DLGAP2: variants seen among roughly 807,000 people sequenced by gnomAD.
The protein encoded by DLGAP2 is disks large-associated protein 2.
In DLGAP2, 26 loss-of-function variants were observed where a neutral mutation model predicts 100.3. The observed-to-expected ratio is 0.26, with a 90% CI of 0.19 to 0.36. DLGAP2 has a LOEUF of 0.36. Among genes scored for constraint, DLGAP2 ranks in the 10% least tolerant of loss-of-function variants. The pLI, the probability that DLGAP2 is intolerant of heterozygous loss-of-function variation, is 1.00. For missense variants in DLGAP2, 1,858 were observed against 1,453.2 expected, an observed-to-expected ratio of 1.28 and a Z score of -4.53; for synonymous variants, 886 against 630.1, an observed-to-expected ratio of 1.41 and a Z score of -6.08.
chr8:1,454,672 G>T (rs886749), intron 3 of DLGAP2, among the ~76,000 whole-genome samples: 9,480 of 152,224 alleles, frequency 0.062, 482 homozygotes, highest in East Asian at 0.19. Flanking sequence ...GGACATTTTT[G>T]ACTTCACTTT....
At chr8:1,087,203 G>A (rs1439193296) in intron 2 of DLGAP2, among the ~76,000 whole-genome samples, 5 of 152,300 alleles carry the variant, frequency 3.3e-5, no homozygotes, top group South Asian at 2.1e-4. Flanking sequence ...CATGCGTACC[G>A]AAACATATGA....
At chr8:1,071,120 C>T (rs1007416684) in intron 2 of DLGAP2, among the ~76,000 whole-genome samples, 5 of 152,184 alleles carry the variant, frequency 3.3e-5, no homozygotes, top group South Asian at 2.1e-4. Context: ...GCTCCTCCCA[C>T]GGATTTGCAG....
At chr8:1,343,810 T>A (rs1242581466) in intron 3 of DLGAP2, among the ~76,000 whole-genome samples, 1 of 151,880 alleles carries the variant, frequency 6.6e-6, no homozygotes, top group Non-Finnish European at 1.5e-5. Flanking sequence ...TGGCACGAGA[T>A]CCTCCCTGCA....
At chr8:1,146,293 G>A (rs1319961522) in intron 2 of DLGAP2, among the ~76,000 whole-genome samples, 5 of 152,160 alleles carry the variant, frequency 3.3e-5, no homozygotes, top group Admixed American at 1.3e-4. Context: ...TGTTAAGAAG[G>A]GCTGAATGGA....
chr8:1,494,322 CT>C (rs1172497645), intron 3 of DLGAP2, among the ~76,000 whole-genome samples: 1 of 152,260 alleles, frequency 6.6e-6, no homozygotes, highest in Non-Finnish European at 1.5e-5. Flanking sequence ...CAACTTCCCC[CT>C]GAGAAGACGC....
chr8:1,640,292 G>A (rs867797733), intron 8 of DLGAP2, among the ~76,000 whole-genome samples: 10 of 152,026 alleles, frequency 6.6e-5, no homozygotes, highest in Non-Finnish European at 1.3e-4. Flanking sequence ...GCCCAGGTGT[G>A]CTGCCCCGTG....
At chr8:945,557 C>T (rs755425737) in intron 2 of DLGAP2, among the ~76,000 whole-genome samples, 5 of 152,156 alleles carry the variant, frequency 3.3e-5, no homozygotes, top group African/African-American at 7.2e-5. Context: ...ATCTTTGTCT[C>T]TTCTTACTCA....
intron 2 of DLGAP2, among the ~76,000 whole-genome samples, chr8:1,105,956 C>A (rs370920689): frequency 4.8e-5 from 7 of 146,546 alleles, no homozygotes; most frequent in East Asian, 2.1e-4. Flanking sequence ...TGAAGGGAAC[C>A]ATTCTAGGAG....
intron 3 of DLGAP2, among the ~76,000 whole-genome samples, chr8:1,364,758 G>A (rs933393632): frequency 1.2e-4 from 18 of 152,346 alleles, no homozygotes; most frequent in East Asian, 1.9e-4. Context: ...CCCCTTGAAC[G>A]AAGGACGAGA....
intron 8 of DLGAP2, among the ~76,000 whole-genome samples, chr8:1,661,877 C>T (rs1479853372): frequency 1.3e-5 from 2 of 152,238 alleles, no homozygotes; most frequent in Admixed American, 6.5e-5. Context: ...CACCATCACT[C>T]AGCTGAAACA....
intron 3 of DLGAP2, among the ~76,000 whole-genome samples, chr8:1,276,379 T>A (rs1320583429): frequency 6.6e-6 from 1 of 152,068 alleles, no homozygotes; most frequent in African/African-American, 2.4e-5. Flanking sequence ...CACTATCAGA[T>A]GGAACCGTTT....
At chr8:1,186,798 C>T (rs1453343796) in intron 2 of DLGAP2, among the ~76,000 whole-genome samples, 1 of 152,160 alleles carries the variant, frequency 6.6e-6, no homozygotes, top group Non-Finnish European at 1.5e-5. Context: ...ATGGAAGCCA[C>T]CTGCAGGAGT....
intron 1 of DLGAP2, among the ~76,000 whole-genome samples, chr8:762,208 C>G (rs1311350662): frequency 1.3e-5 from 2 of 152,154 alleles, no homozygotes; most frequent in African/African-American, 2.4e-5. Context: ...AACTAATATT[C>G]ATCCGTGGGA....
chr8:1,447,793 C>A (rs1798022919), intron 3 of DLGAP2, among the ~76,000 whole-genome samples: 1 of 152,206 alleles, frequency 6.6e-6, no homozygotes, highest in Non-Finnish European at 1.5e-5. Context: ...AGAGAGTCAA[C>A]TTCTTCCTGG....
intron 2 of DLGAP2, among the ~76,000 whole-genome samples, chr8:1,073,105 C>T (rs1329015721): frequency 1.3e-5 from 2 of 152,172 alleles, no homozygotes; most frequent in African/African-American, 4.8e-5. Context: ...AAGTCAGTCT[C>T]GTAGCTGTTA....
At chr8:1,625,527 C>T (rs1172549298) in intron 6 of DLGAP2, among the ~76,000 whole-genome samples, 1 of 152,222 alleles carries the variant, frequency 6.6e-6, no homozygotes, top group Non-Finnish European at 1.5e-5. Context: ...GCCTACTCCT[C>T]CTATTATATT....
intron 1 of DLGAP2, among the ~76,000 whole-genome samples, chr8:872,829 C>T (rs564828904): frequency 1.3e-5 from 2 of 152,296 alleles, no homozygotes; most frequent in South Asian, 2.1e-4. Flanking sequence ...GTCCTCCACC[C>T]CTGCCTCCTG....
chr8:1,678,834 A>G (rs935599296), intron 12 of DLGAP2: 47 of 533,720 alleles, frequency 8.8e-5, no homozygotes, highest in Non-Finnish European at 1.2e-4. Context: ...TATCGAAGGA[A>G]AATTGTGTGT....
intron 4 of DLGAP2, among the ~76,000 whole-genome samples, chr8:1,513,760 A>T (rs946585357): frequency 6.6e-6 from 1 of 152,192 alleles, no homozygotes; most frequent in Non-Finnish European, 1.5e-5. Flanking sequence ...TACAAAAATA[A>T]TACAGAGAAA....
Sources: gnomAD v4.1 joint callset for allele counts (sites outside exome capture counted in the v4.1 genomes callset) on GRCh38, gnomAD v4.1.1 for gene constraint, MANE v1.5 for transcripts, NCBI Gene and HGNC (gene_info 2026-07-23, HGNC 2026-07-21) for gene names.